Variants in DOCK1 observed in about 807,000 individuals in gnomAD.
DOCK1 encodes dedicator of cytokinesis 1, also known as dedicator of cytokinesis protein 1.
Under a neutral mutation model 262.7 loss-of-function variants are expected in DOCK1, and 138 were observed. That is an observed-to-expected ratio of 0.53 (90% confidence interval 0.46 to 0.61). The LOEUF is 0.61. Ranked by LOEUF, DOCK1 falls within the 20% of genes least tolerant of loss-of-function variation. The pLI, the probability that DOCK1 is intolerant of heterozygous loss-of-function variation, is 0.00. For missense variants in DOCK1, 1,908 were observed against 2,370.7 expected (o/e 0.80, Z 4.05); for synonymous variants, 866 against 867.4 (o/e 1.00, Z 0.03).
intron 28 of DOCK1, among the ~76,000 whole-genome samples, chr10:127,252,043 A>C (rs2059667437): frequency 6.6e-6 from 1 of 151,298 alleles, no homozygotes; most frequent in African/African-American, 2.4e-5. Flanking sequence ...CCTCTCCAAC[A>C]CCTGTTGTTT....
chr10:126,945,114 G>T (rs1455435434), intron 1 of DOCK1, among the ~76,000 whole-genome samples: 1 of 152,188 alleles, frequency 6.6e-6, no homozygotes, highest in East Asian at 1.9e-4. Context: ...TGGGATTACA[G>T]GTGTGAGCCA....
intron 29 of DOCK1, among the ~76,000 whole-genome samples, chr10:127,270,720 T>G (rs576383704): frequency 2.0e-5 from 3 of 152,268 alleles, no homozygotes; most frequent in East Asian, 3.9e-4. Context: ...AGAGAAGGCT[T>G]CACTGCTGTC....
intron 27 of DOCK1, among the ~76,000 whole-genome samples, chr10:127,155,829 G>C (rs2052989010): frequency 6.6e-6 from 1 of 152,156 alleles, no homozygotes; most frequent in Non-Finnish European, 1.5e-5. Context: ...AGGTCATTTT[G>C]CACAGTGAAG....
chr10:127,061,908 A>AATTTG (rs2045555106), intron 23 of DOCK1, 132 bp downstream of exon 23: 2 of 553,370 alleles, frequency 3.6e-6, no homozygotes, highest in Non-Finnish European at 5.9e-6. Context: ...CAGAGATCTC[A>AATTTG]ATTTGATTTC....
At chr10:126,921,185 G>A (rs2033152832) in intron 1 of DOCK1, among the ~76,000 whole-genome samples, 1 of 131,114 alleles carries the variant, frequency 7.6e-6, no homozygotes. Context: ...GAGCAGAAGA[G>A]TAAGACTCTA....
At chr10:127,316,779 C>T (rs2766038) in intron 29 of DOCK1, among the ~76,000 whole-genome samples, 2,698 of 152,238 alleles carry the variant, frequency 0.018, 95 homozygotes, top group African/African-American at 0.062. Flanking sequence ...GAAGCAGCAA[C>T]CTGTCAGCCT....
intron 27 of DOCK1, among the ~76,000 whole-genome samples, chr10:127,245,238 A>G (rs183380330): frequency 5.7e-4 from 87 of 152,362 alleles, no homozygotes; most frequent in African/African-American, 2.0e-3. Context: ...TATGCAGATC[A>G]TCCGTTTCCT....
At chr10:127,081,674 T>G (rs2046906185) in intron 23 of DOCK1, among the ~76,000 whole-genome samples, 1 of 152,166 alleles carries the variant, frequency 6.6e-6, no homozygotes, top group Non-Finnish European at 1.5e-5. Flanking sequence ...ATTTCAAGGC[T>G]AGGGGAAAAT....
Position 127,114,848 on chromosome 10 carries a change from C to A in DOCK1, c.2623+4494C>A, listed in dbSNP as rs1215325737. ...CTTGGCTCACTGCAACCTGTGCCTC[C>A]CGGGTTCAATCGATTCTCCTGCCTC... On this transcript the variant is annotated intron_variant, in intron 25 of 51. Coordinates refer to ENST00000623213, the MANE Select transcript of DOCK1 (RefSeq NM_001290223.2). Among the ~76,000 whole-genome samples the A allele has an allele frequency of 4.6e-5, 7 of 151,824 alleles. No individual in the cohort carries two copies. In the East Asian group the frequency reaches 1.4e-3, roughly 29 times the overall value.
intron 1 of DOCK1, among the ~76,000 whole-genome samples, chr10:126,950,580 C>T (rs2036125326): frequency 6.6e-6 from 1 of 152,126 alleles, no homozygotes; most frequent in Non-Finnish European, 1.5e-5. Context: ...GAGAGGGACT[C>T]TGCAGCCTTT....
chr10:126,949,735 T>C (rs957033872), intron 1 of DOCK1, among the ~76,000 whole-genome samples: 33 of 152,282 alleles, frequency 2.2e-4, no homozygotes, highest in South Asian at 1.0e-3. Flanking sequence ...AAAAGGACTT[T>C]GTGACAAGGT....
At chr10:127,287,602 T>C (rs1000009009) in intron 29 of DOCK1, among the ~76,000 whole-genome samples, 5 of 152,234 alleles carry the variant, frequency 3.3e-5, no homozygotes, top group Admixed American at 6.5e-5. Flanking sequence ...AACGTGTTCC[T>C]CTGTCTGCTA....
chr10:127,013,886 GGGCAGCCACACAGATC>G (rs1311653493), intron 12 of DOCK1, among the ~76,000 whole-genome samples: 1 of 152,254 alleles, frequency 6.6e-6, no homozygotes, highest in Non-Finnish European at 1.5e-5. Context: ...TGGCCAGTGA[GGGCAGCCACACAGATC>G]GGCCGCCGGG....
chr10:127,247,220 C>G (rs1244215044), intron 27 of DOCK1, among the ~76,000 whole-genome samples: 2 of 152,186 alleles, frequency 1.3e-5, no homozygotes, highest in African/African-American at 4.8e-5. Flanking sequence ...CTTTACCTTC[C>G]CCATTCTTGA....
At chr10:126,963,511 A>T (rs1439820088) in intron 1 of DOCK1, among the ~76,000 whole-genome samples, 4 of 151,850 alleles carry the variant, frequency 2.6e-5, no homozygotes, top group African/African-American at 9.7e-5. Flanking sequence ...CCAGGCTCTA[A>T]GAAACTTCCT....
At chr10:127,255,073 G>A (rs1018960638) in intron 28 of DOCK1, among the ~76,000 whole-genome samples, 1 of 152,180 alleles carries the variant, frequency 6.6e-6, no homozygotes, top group Non-Finnish European at 1.5e-5. Context: ...AGAGCAGCCT[G>A]CTTATTGTAT....
At chr10:127,188,441 C>T (rs2056473761) in intron 27 of DOCK1, among the ~76,000 whole-genome samples, 1 of 152,168 alleles carries the variant, frequency 6.6e-6, no homozygotes, top group Non-Finnish European at 1.5e-5. Context: ...CTGTTCCCTT[C>T]TAGAAATTCC....
rs7096076 is a variant in DOCK1, at chr10:127,132,105, G to A, written c.2847+4341G>A. On this transcript the variant is annotated intron_variant, in intron 27 of 51. Coordinates refer to ENST00000623213, the MANE Select transcript of DOCK1 (RefSeq NM_001290223.2). Reference sequence around the variant, plus strand: ...TGACAGCTTCCCCCTATTAATGTAAGGAATAGAAAACTGGGGAACTTCACA... The same window carrying A: ...TGACAGCTTCCCCCTATTAATGTAAAGAATAGAAAACTGGGGAACTTCACA... Among the ~76,000 whole-genome samples, 841 of 152,258 alleles carry A rather than the reference G, an allele frequency of 5.5e-3. 10 individuals are homozygous for A. The highest frequency in any genetic ancestry group is 0.018 in the African/African-American group (759 of 41,548).
chr10:127,078,095 C>CA (rs1443651707), intron 23 of DOCK1, among the ~76,000 whole-genome samples: 6 of 152,040 alleles, frequency 3.9e-5, no homozygotes, highest in Non-Finnish European at 8.8e-5. Context: ...CCTGAGCTGA[C>CA]ACACTGGAAA....
Sources: gnomAD v4.1 joint callset for allele counts (sites outside exome capture counted in the v4.1 genomes callset) on GRCh38, gnomAD v4.1.1 for gene constraint, MANE v1.5 for transcripts, NCBI Gene and HGNC (gene_info 2026-07-23, HGNC 2026-07-21) for gene names.